Variants in SLC30A9 observed in about 807,000 individuals in gnomAD.
SLC30A9 encodes the protein solute carrier family 30 member 9, also known as proton-coupled zinc antiporter SLC30A9, mitochondrial.
In SLC30A9, 58 loss-of-function variants were observed where a neutral mutation model predicts 87.5. The observed-to-expected ratio is 0.66, with a 90% CI of 0.54 to 0.82. The LOEUF (loss-of-function observed/expected upper bound fraction) is 0.82. SLC30A9 is among the 40% of genes least tolerant of loss of function. The pLI is 0.00. For synonymous variants in SLC30A9, 234 were observed against 233.0 expected (o/e 1.00, Z -0.04); for missense variants, 557 against 679.1 (o/e 0.82, Z 2.00).
intron 8 of SLC30A9, among the ~76,000 whole-genome samples, chr4:42,045,840 C>G (rs372663375): frequency 1.3e-4 from 20 of 152,260 alleles, no homozygotes; most frequent in African/African-American, 4.6e-4. Flanking sequence ...ACTGGCAAAG[C>G]AAATCCAGCA....
intron 8 of SLC30A9, among the ~76,000 whole-genome samples, chr4:42,048,686 T>G (rs1717267321): frequency 6.6e-6 from 1 of 152,202 alleles, no homozygotes; most frequent in South Asian, 2.1e-4. Context: ...AGATTTTCAC[T>G]GAAGTCTTGC....
intron 6 of SLC30A9, 133 bp downstream of exon 6, chr4:42,023,517 G>A (rs1039676935): frequency 5.2e-6 from 3 of 573,668 alleles, no homozygotes; most frequent in East Asian, 2.8e-5. Context: ...GCTAGTTTCC[G>A]TTTTGGGATT....
chr4:42,071,723 A>G (rs997670013), intron 15 of SLC30A9, among the ~76,000 whole-genome samples: 2 of 151,912 alleles, frequency 1.3e-5, no homozygotes, highest in African/African-American at 4.8e-5. Context: ...GAAAGTCAGT[A>G]TTAGAGTTAT....
chr4:42,046,776 G>A (rs1229455149), intron 8 of SLC30A9, among the ~76,000 whole-genome samples: 1 of 152,148 alleles, frequency 6.6e-6, no homozygotes, highest in Non-Finnish European at 1.5e-5. Flanking sequence ...GTATAGCCAA[G>A]ATAATCCTAA....
At chr4:42,085,226 A>G (rs1282942942) in intron 17 of SLC30A9, among the ~76,000 whole-genome samples, 1 of 152,172 alleles carries the variant, frequency 6.6e-6, no homozygotes, top group Admixed American at 6.5e-5. Flanking sequence ...CTTAGATATT[A>G]TATCCTCAGT....
At chr4:42,001,821 G>T (rs1482882757) in intron 2 of SLC30A9, 41 bp downstream of exon 2, 1 of 1,351,588 alleles carries the variant, frequency 7.4e-7, no homozygotes. Context: ...CTGTATACTG[G>T]AATAGTTTGT....
At chr4:42,083,510 A>G (rs117078791) in intron 17 of SLC30A9, among the ~76,000 whole-genome samples, 1 of 152,302 alleles carries the variant, frequency 6.6e-6, no homozygotes, top group East Asian at 1.9e-4. Flanking sequence ...TTCAGCATAT[A>G]TTGTGTGCTT....
At position 41,990,750 on chromosome 4, in the gene SLC30A9, C is replaced by T; in HGVS notation, c.99C>T (p.Ser33=). 1 of 1,609,526 alleles carries T rather than the reference C, an allele frequency of 6.2e-7. No individual in the cohort carries two copies. ...GCAGGGCGGCGGCCTGTAATCCCAGCGACCGCCAGGGTGAGTGTCCCGCGC... is the reference window on the plus strand; with the variant it reads ...GCAGGGCGGCGGCCTGTAATCCCAGTGACCGCCAGGGTGAGTGTCCCGCGC... ...LRCRAAACNP[S]DRQEWQNLVT... Residue 33 remains serine, a synonymous_variant, in exon 1 of 18, where the codon AGC becomes AGT. Coordinates refer to ENST00000264451, the MANE Select transcript of SLC30A9 (RefSeq NM_006345.4).
intron 14 of SLC30A9, 121 bp from the exon 15 acceptor site, chr4:42,070,405 A>C (rs1226588374): frequency 2.9e-6 from 2 of 689,512 alleles, no homozygotes; most frequent in African/African-American, 3.6e-5. Flanking sequence ...GAAGTAATTA[A>C]AGAAATTAGG....
intron 16 of SLC30A9, among the ~76,000 whole-genome samples, 177 bp from the exon 17 acceptor site, chr4:42,078,035 G>A (rs1718623699): frequency 6.6e-6 from 1 of 151,842 alleles, no homozygotes; most frequent in African/African-American, 2.4e-5. Flanking sequence ...ATTATACTCA[G>A]TTTTCTTGAT....
chr4:42,068,353 C>T (rs545361499), intron 14 of SLC30A9, among the ~76,000 whole-genome samples: 59 of 152,006 alleles, frequency 3.9e-4, no homozygotes, highest in African/African-American at 1.4e-3. Flanking sequence ...AAGCAATTCT[C>T]CTGCCTCAGC....
intron 1 of SLC30A9, among the ~76,000 whole-genome samples, chr4:41,992,477 G>A (rs983548500): frequency 6.6e-6 from 1 of 152,212 alleles, no homozygotes; most frequent in African/African-American, 2.4e-5. Context: ...TACAGTGGCT[G>A]TTAAATTTAG....
At chr4:42,077,699 T>C (rs1272312844) in intron 16 of SLC30A9, among the ~76,000 whole-genome samples, 2 of 152,170 alleles carry the variant, frequency 1.3e-5, no homozygotes, top group Non-Finnish European at 2.9e-5. Context: ...TATTTTTTTC[T>C]AGTTTATAAC....
chr4:41,992,625 C>T (rs1421553944), intron 1 of SLC30A9, among the ~76,000 whole-genome samples: 6 of 152,116 alleles, frequency 3.9e-5, no homozygotes, highest in Non-Finnish European at 5.9e-5. Context: ...TAATTATTAC[C>T]TACCTTAGTG....
At chr4:42,012,764 T>G (rs1335108464) in intron 2 of SLC30A9, among the ~76,000 whole-genome samples, 1 of 151,754 alleles carries the variant, frequency 6.6e-6, no homozygotes, top group African/African-American at 2.4e-5. Flanking sequence ...AAACAACCCC[T>G]CCACATTAAA....
intron 13 of SLC30A9, 56 bp downstream of exon 13, chr4:42,066,677 C>T: frequency 8.8e-7 from 1 of 1,134,460 alleles, no homozygotes; most frequent in African/African-American, 1.5e-5. Flanking sequence ...CTTAAAATTA[C>T]TTAGTACTGT....
chr4:42,052,521 G>T (rs186715185), intron 9 of SLC30A9, among the ~76,000 whole-genome samples: 1 of 152,256 alleles, frequency 6.6e-6, no homozygotes. Context: ...AATTAGGACA[G>T]TGAGTTACTG....
rs548015687 is a variant in SLC30A9 at position 42,076,505 on chromosome 4, A to G, written c.1548+719A>G. Among the ~76,000 whole-genome samples, 5 of 152,262 alleles carry G rather than the reference A, an allele frequency of 3.3e-5. No individual in the cohort carries two copies. The East Asian group carries it at 5.8e-4, about 18-fold the overall frequency. On this transcript the variant is annotated intron_variant, in intron 16 of 17. Coordinates refer to ENST00000264451, the MANE Select transcript of SLC30A9 (RefSeq NM_006345.4). ...ATTGGTATAAATGGTATCCTACTGT[A>G]TGCGTCTCTACAATTGGCATAACAA... is the stretch of plus-strand genomic sequence containing the variant.
chr4:42,021,475 T>C (rs1220313932), intron 4 of SLC30A9, among the ~76,000 whole-genome samples: 1 of 152,228 alleles, frequency 6.6e-6, no homozygotes, highest in African/African-American at 2.4e-5. Flanking sequence ...GATTGTTTCA[T>C]TGCTTTAACA....
Sources: allele counts gnomAD v4.1 joint callset (sites outside exome capture counted in the v4.1 genomes callset), GRCh38; gene constraint gnomAD v4.1.1; transcripts MANE v1.5; gene names NCBI Gene and HGNC (gene_info 2026-07-23, HGNC 2026-07-21).